Variants in DLGAP5 observed in about 807,000 individuals in gnomAD.
The protein encoded by DLGAP5 is DLG associated protein 5.
DLGAP5 carries 90 observed loss-of-function variants against 99.6 expected under a neutral mutation model. That is an observed-to-expected ratio of 0.90 (90% confidence interval 0.76 to 1.08). DLGAP5 has a LOEUF of 1.08. DLGAP5 is among the 50% of genes least tolerant of loss of function. DLGAP5 has a pLI of 0.00. For synonymous variants in DLGAP5, 311 were observed against 321.3 expected, an observed-to-expected ratio of 0.97 and a Z score of 0.34; for missense variants, 1,036 against 983.5, an observed-to-expected ratio of 1.05 and a Z score of -0.71.
intron 11 of DLGAP5, 149 bp downstream of exon 11, chr14:55,170,553 G>A: frequency 1.7e-6 from 1 of 601,194 alleles, no homozygotes; most frequent in Non-Finnish European, 2.9e-6. Flanking sequence ...CTACTTTATT[G>A]TAGACATCAA....
chr14:55,152,079 A>C, intron 16 of DLGAP5, 138 bp from the exon 17 acceptor site: 1 of 783,860 alleles, frequency 1.3e-6, no homozygotes, highest in Non-Finnish European at 2.0e-6. Context: ...TATAAATCCT[A>C]CTATCCTGCT....
At chr14:55,173,291 A>C (rs1375198302) in intron 10 of DLGAP5, among the ~76,000 whole-genome samples, 2 of 150,740 alleles carry the variant, frequency 1.3e-5, no homozygotes, top group South Asian at 2.1e-4. Flanking sequence ...AAAAAAACAA[A>C]AAAAAAAACA....
rs2140318253 is a variant in DLGAP5 at position 55,170,749 on chromosome 14, T to C, written c.1340A>G (p.His447Arg). 1 of 1,613,742 alleles carries C rather than the reference T, an allele frequency of 6.2e-7. No individual in the cohort carries two copies. The change falls in exon 11 of 19, where the codon CAT (histidine) becomes CGT (arginine). Residue 447 changes from histidine to arginine, a missense_variant. Transcript: ENST00000247191. ...LQSETEKLTS[H>R]CFEWDRKLEL... ...AAGTTTCCTGTCCCACTCGAAGCAA[T>C]GTGAAGTTAATTTCTCAGTTTCTGA...
intron 13 of DLGAP5, among the ~76,000 whole-genome samples, chr14:55,161,242 C>A (rs1882419024): frequency 6.6e-6 from 1 of 152,006 alleles, no homozygotes; most frequent in South Asian, 2.1e-4. Context: ...ATCTGCATCA[C>A]TGATGATATT....
chr14:55,158,585 C>A lies in DLGAP5; in HGVS notation c.1810G>T (p.Val604Phe). 6.2e-7 allele frequency: 1 copy of A among 1,614,136 alleles called. No individual in the cohort carries two copies. The highest frequency in any genetic ancestry group is 8.5e-7 in the Non-Finnish European group (1 of 1,180,014). ...ETAVSVIPKEVDKIVFDAGFF... is the reference protein window; with the variant it reads ...ETAVSVIPKEFDKIVFDAGFF... ...CCAGCATCGAACACTATTTTATCAA[C>A]TTCCTTTGGTATCACAGAAACTGCT... Residue 604 changes from valine (V) to phenylalanine (F), a missense_variant, in exon 14 of 19, where the codon GTT becomes TTT. By Grantham distance (50) the Val-to-Phe change is conservative (BLOSUM62 -1). Transcript: ENST00000247191.
chr14:55,177,424 C>A (rs987270755), intron 7 of DLGAP5, 88 bp from the exon 8 acceptor site: 15 of 1,213,194 alleles, frequency 1.2e-5, no homozygotes, highest in Admixed American at 2.6e-5. Flanking sequence ...AATATGACAA[C>A]AGAAATATAT....
chr14:55,151,100 AG>A (rs1882000832), intron 17 of DLGAP5, among the ~76,000 whole-genome samples: 2 of 152,346 alleles, frequency 1.3e-5, no homozygotes, highest in Admixed American at 6.5e-5. Context: ...GATGAAGAAC[AG>A]CTGGAGGACA....
chr14:55,188,141 C>T (rs1047035679), intron 2 of DLGAP5, among the ~76,000 whole-genome samples: 3 of 152,106 alleles, frequency 2.0e-5, no homozygotes, highest in African/African-American at 4.8e-5. Context: ...TCTGCCATTC[C>T]CTATTTATCC....
At chr14:55,188,172 C>A (rs1230910387) in intron 2 of DLGAP5, among the ~76,000 whole-genome samples, 3 of 152,192 alleles carry the variant, frequency 2.0e-5, no homozygotes, top group Non-Finnish European at 4.4e-5. Context: ...TCAATGCCAT[C>A]TAGCTCCTAA....
intron 13 of DLGAP5, among the ~76,000 whole-genome samples, chr14:55,161,745 C>A (rs566296860): frequency 6.7e-6 from 1 of 149,940 alleles, no homozygotes; most frequent in South Asian, 2.1e-4. Context: ...CGCAGTGGCT[C>A]ATGCCTGTAA....
At chr14:55,166,743 C>CAT (rs1375860649) in intron 12 of DLGAP5, among the ~76,000 whole-genome samples, 1 of 151,464 alleles carries the variant, frequency 6.6e-6, no homozygotes, top group Admixed American at 6.6e-5. Context: ...AAAAAAAATA[C>CAT]ATATATATAT....
In DLGAP5 at chr14:55,176,976, G is replaced by GAAAAAAAAAAA. The variant is rs34109336; in HGVS notation, c.1049+75_1049+85dup. 1.9e-4 allele frequency: 49 copies of GAAAAAAAAAAA among 253,520 alleles called. 5 individuals carry two copies. The African/African-American group carries it at 2.5e-3, about 13-fold the overall frequency. 15.7% of individuals were successfully genotyped at this position (253,520 alleles called of 1,614,324 possible). On this transcript the variant is annotated intron_variant, in intron 8 of 18. Coordinates refer to ENST00000247191, the MANE Select transcript of DLGAP5 (RefSeq NM_014750.5). Reference sequence around the variant, plus strand: ...CTGGGCGACAGAGCGAACTCCGTCTGAAAAAAAAAAAAAAAAAAAAAAAAA... The same window carrying GAAAAAAAAAAA: ...CTGGGCGACAGAGCGAACTCCGTCTGAAAAAAAAAAAAAAAAAAAAAAAAAAAAAAAAAAAA...
At chr14:55,165,537 A>G (rs943482871) in intron 12 of DLGAP5, among the ~76,000 whole-genome samples, 3 of 151,870 alleles carry the variant, frequency 2.0e-5, no homozygotes, top group Admixed American at 1.3e-4. Context: ...AAACAAAAAA[A>G]AAAACCCCAA....
At chr14:55,167,778 G>A (rs182175802) in intron 12 of DLGAP5, among the ~76,000 whole-genome samples, 89 of 152,316 alleles carry the variant, frequency 5.8e-4, no homozygotes, top group African/African-American at 1.9e-3. Context: ...AATTTTCAGA[G>A]TATTGTTCTA....
intron 4 of DLGAP5, 123 bp from the exon 5 acceptor site, chr14:55,181,420 C>T: frequency 1.6e-6 from 1 of 625,864 alleles, no homozygotes; most frequent in Non-Finnish European, 2.6e-6. Context: ...ACAACAACAA[C>T]AAAAAACTAC....
chr14:55,149,925 C>T (rs1268838872), intron 18 of DLGAP5, among the ~76,000 whole-genome samples: 2 of 151,748 alleles, frequency 1.3e-5, no homozygotes, highest in Admixed American at 1.3e-4. Context: ...TGGTGGCAAG[C>T]ACCTGTAATC....
At chr14:55,186,245 TG>T (rs1235868596) in intron 2 of DLGAP5, among the ~76,000 whole-genome samples, 1 of 152,170 alleles carries the variant, frequency 6.6e-6, no homozygotes, top group East Asian at 1.9e-4. Context: ...CACTCCAGCC[TG>T]GGCAAGAAGA....
In DLGAP5 at chr14:55,154,646, C is replaced by G. The variant is rs192457260; in HGVS notation, c.2034G>C (p.Lys678Asn). 1.6e-4 allele frequency: 257 copies of G among 1,614,030 alleles called. 2 individuals are homozygous for G. In the East Asian group the frequency reaches 5.2e-3, roughly 33 times the overall value. The change falls in exon 15 of 19, where the codon AAG (lysine) becomes AAC (asparagine). Residue 678 changes from lysine to asparagine, a missense_variant. Coordinates refer to ENST00000247191, the MANE Select transcript of DLGAP5 (RefSeq NM_014750.5). Reference protein sequence around the residue: ...PQNTKSEHVKKTLFLSIPESR... With the variant: ...PQNTKSEHVKNTLFLSIPESR... ...TTTCAGGAATACTCAAAAACAAAGT[C>G]TTCTTCACATGTTCACTTTTCGTAT... is the stretch of plus-strand genomic sequence containing the variant.
In DLGAP5 at chr14:55,186,318, C is replaced by T. The variant is rs531593645; in HGVS notation, c.239-2565G>A. Reference sequence around the variant, plus strand: ...ATAAAGACATTTCCTTTCATAGCCACGATATCATCATCACACTTAACAAAA... The same window carrying T: ...ATAAAGACATTTCCTTTCATAGCCATGATATCATCATCACACTTAACAAAA... On this transcript the variant is annotated intron_variant, in intron 2 of 18. Coordinates refer to ENST00000247191, the MANE Select transcript of DLGAP5 (RefSeq NM_014750.5). Among the ~76,000 whole-genome samples, 8 of 152,282 alleles carry T rather than the reference C, an allele frequency of 5.3e-5. No homozygotes were observed. In the East Asian group the frequency reaches 1.5e-3, roughly 29 times the overall value.
Sources: gnomAD v4.1 joint callset for allele counts (sites outside exome capture counted in the v4.1 genomes callset) on GRCh38, gnomAD v4.1.1 for gene constraint, MANE v1.5 for transcripts, NCBI Gene and HGNC (gene_info 2026-07-23, HGNC 2026-07-21) for gene names.